RYR2: variants seen among roughly 807,000 people sequenced by gnomAD.
RYR2 encodes the protein ryanodine receptor 2, also known as cardiac muscle ryanodine receptor-calcium release channel.
A neutral mutation model predicts 601.1 loss-of-function variants in RYR2; 227 were observed. That is an observed-to-expected ratio of 0.38 (90% CI 0.34 to 0.42). The LOEUF (loss-of-function observed/expected upper bound fraction) is 0.42. Ranked by LOEUF, RYR2 falls within the 10% of genes least tolerant of loss-of-function variation. RYR2 has a pLI of 1.00. For synonymous variants in RYR2, 2,223 were observed against 2,175.1 expected (o/e 1.02, Z -0.61); for missense variants, 4,646 against 6,156.5 (o/e 0.75, Z 8.21).
chr1:237,201,032 T>C (rs1040561849), intron 1 of RYR2, among the ~76,000 whole-genome samples: 2 of 152,220 alleles, frequency 1.3e-5, no homozygotes, highest in Admixed American at 6.5e-5. Flanking sequence ...CTATTCCTTC[T>C]GCTGTGCCTA....
At position 237,674,193 on chromosome 1, in the gene RYR2, G is replaced by A. The variant is rs754808907; in HGVS notation, c.8688G>A (p.Leu2896=). 3.1e-6 allele frequency: 5 copies of A among 1,612,370 alleles called. No individual in the cohort carries two copies. The highest frequency in any genetic ancestry group is 2.2e-5 in the East Asian group (1 of 44,824). The change falls in exon 59 of 105, where the codon TTG becomes TTA. Residue 2896 remains leucine (L), a synonymous_variant. Coordinates refer to ENST00000366574, the MANE Select transcript of RYR2 (RefSeq NM_001035.3). ...AAGCACAGGACATCCTCAAGTTCTT[G>A]CAGATCAATGGATATGCTGTATCCA... ...REKAQDILKF[L]QINGYAVSRG...
At chr1:237,663,634 C>T (rs751088960) in intron 56 of RYR2, among the ~76,000 whole-genome samples, 3 of 152,098 alleles carry the variant, frequency 2.0e-5, no homozygotes, top group East Asian at 1.9e-4. Flanking sequence ...GTATGAGCAT[C>T]GGCTTTGAAA....
chr1:237,261,229 A>G (rs1172300000), intron 1 of RYR2, among the ~76,000 whole-genome samples: 1 of 151,924 alleles, frequency 6.6e-6, no homozygotes, highest in Non-Finnish European at 1.5e-5. Context: ...TTGAGCCACC[A>G]TCTCCCTCCC....
chr1:237,123,104 G>C (rs1032690758), intron 1 of RYR2, among the ~76,000 whole-genome samples: 1 of 152,160 alleles, frequency 6.6e-6, no homozygotes, highest in African/African-American at 2.4e-5. Flanking sequence ...GTCCTTGCTA[G>C]TACAGTGGCT....
At chr1:237,595,705 T>A in intron 34 of RYR2, 48 bp downstream of exon 34, 1 of 1,549,868 alleles carries the variant, frequency 6.5e-7, no homozygotes. Context: ...AAGACTTCTT[T>A]CCCCCATTAA....
chr1:237,581,842 G>A (rs1265700730), intron 29 of RYR2, among the ~76,000 whole-genome samples: 2 of 152,162 alleles, frequency 1.3e-5, no homozygotes, highest in African/African-American at 4.8e-5. Context: ...ATCAACACTT[G>A]TCAGAGGAAG....
At chr1:237,401,817 G>T (rs983718088) in intron 10 of RYR2, among the ~76,000 whole-genome samples, 1 of 152,132 alleles carries the variant, frequency 6.6e-6, no homozygotes, top group Non-Finnish European at 1.5e-5. Flanking sequence ...AGCATGGCCA[G>T]CTCCCATCTT....
chr1:237,719,663 G>A (rs552695171), intron 73 of RYR2, among the ~76,000 whole-genome samples: 1 of 152,112 alleles, frequency 6.6e-6, no homozygotes, highest in South Asian at 2.1e-4. Context: ...CTCCCACCAG[G>A]CCCCGCCTCC....
At chr1:237,680,429 G>T in intron 61 of RYR2, 27 bp from the exon 62 acceptor site, 1 of 1,601,712 alleles carries the variant, frequency 6.2e-7, no homozygotes, top group South Asian at 1.1e-5. Context: ...CCACTACGTA[G>T]ATCTGTCTTC....
intron 102 of RYR2, chr1:237,830,273 G>A: frequency 2.8e-6 from 1 of 360,062 alleles, no homozygotes. Flanking sequence ...TTGCTTTTCA[G>A]CCATCATCAT....
chr1:237,327,638 T>C (rs1696293284), intron 2 of RYR2, among the ~76,000 whole-genome samples: 3 of 152,212 alleles, frequency 2.0e-5, no homozygotes. Context: ...GTAGAATCCA[T>C]GCAAGAACCG....
At chr1:237,591,970 C>A in intron 32 of RYR2, 117 bp downstream of exon 32, 1 of 798,214 alleles carries the variant, frequency 1.3e-6, no homozygotes. Flanking sequence ...ATGTCTGTTT[C>A]TGTTTTTGGA....
chr1:237,787,296 A>G (rs1657709200), intron 91 of RYR2, among the ~76,000 whole-genome samples: 1 of 152,152 alleles, frequency 6.6e-6, no homozygotes, highest in Admixed American at 6.6e-5. Flanking sequence ...AAAATTGTGC[A>G]TTAAAATTAT....
chr1:237,435,089 A>G (rs1558812300), intron 12 of RYR2, among the ~76,000 whole-genome samples: 5 of 152,198 alleles, frequency 3.3e-5, no homozygotes, highest in Admixed American at 3.3e-4. Flanking sequence ...AAACATTTTA[A>G]AGACATTTTT....
chr1:237,759,878 G>T (rs377624053), intron 83 of RYR2, 26 bp downstream of exon 83: 3 of 1,446,368 alleles, frequency 2.1e-6, no homozygotes, highest in East Asian at 2.3e-5. Flanking sequence ...CTTCTTGGGG[G>T]TTCTACTCAG....
At chr1:237,087,186 G>T (rs944550618) in intron 1 of RYR2, among the ~76,000 whole-genome samples, 1 of 152,160 alleles carries the variant, frequency 6.6e-6, no homozygotes, top group South Asian at 2.1e-4. Flanking sequence ...ATTAGTTGCT[G>T]GTGCTTCCAG....
At chr1:237,176,215 C>T (rs2490355) in intron 1 of RYR2, among the ~76,000 whole-genome samples, 58,596 of 146,010 alleles carry the variant, frequency 0.4, 13,957 homozygotes, top group Non-Finnish European at 0.52. Flanking sequence ...TCAGCCTGGG[C>T]GATAGAGCAA....
At chr1:237,525,390 G>C (rs772883333) in intron 24 of RYR2, among the ~76,000 whole-genome samples, 1 of 152,020 alleles carries the variant, frequency 6.6e-6, no homozygotes, top group Non-Finnish European at 1.5e-5. Flanking sequence ...AGTTGATTCC[G>C]TGACTTTGCT....
At chr1:237,186,572 G>A (rs576205160) in intron 1 of RYR2, among the ~76,000 whole-genome samples, 1 of 152,228 alleles carries the variant, frequency 6.6e-6, no homozygotes, top group East Asian at 1.9e-4. Flanking sequence ...TTTCAACTTT[G>A]ATTCCCAAGA....
Sources: allele counts gnomAD v4.1 joint callset (sites outside exome capture counted in the v4.1 genomes callset), GRCh38; gene constraint gnomAD v4.1.1; transcripts MANE v1.5; gene names NCBI Gene and HGNC (gene_info 2026-07-23, HGNC 2026-07-21).